The following LRP1B variants were observed in gnomAD, a reference collection of about 807,000 sequenced individuals.
LRP1B encodes LDL receptor related protein 1B.
A neutral mutation model predicts 556.6 loss-of-function variants in LRP1B; 217 were observed. The observed-to-expected ratio is 0.39, with a 90% CI of 0.35 to 0.44. The LOEUF (loss-of-function observed/expected upper bound fraction) is 0.44. Among genes scored for constraint, LRP1B ranks in the 20% least tolerant of loss-of-function variants. The pLI, the probability that LRP1B is intolerant of heterozygous loss-of-function variation, is 1.00. For missense variants in LRP1B, 5,053 were observed against 5,620.8 expected, an observed-to-expected ratio of 0.90 and a Z score of 3.23; for synonymous variants, 2,047 against 1,865.8, an observed-to-expected ratio of 1.10 and a Z score of -2.50.
At chr2:141,754,067 A>G (rs961895301) in intron 2 of LRP1B, among the ~76,000 whole-genome samples, 1 of 152,168 alleles carries the variant, frequency 6.6e-6, no homozygotes, top group African/African-American at 2.4e-5. Flanking sequence ...AAACATAGTT[A>G]TCTGTTGGTC....
intron 3 of LRP1B, among the ~76,000 whole-genome samples, chr2:141,319,870 A>C (rs1687175684): frequency 6.6e-6 from 1 of 152,108 alleles, no homozygotes; most frequent in Non-Finnish European, 1.5e-5. Context: ...TAAATTAGAA[A>C]ACCTAAATCC....
intron 43 of LRP1B, among the ~76,000 whole-genome samples, chr2:140,559,446 A>C (rs897391560): frequency 1.3e-5 from 2 of 152,158 alleles, no homozygotes; most frequent in Non-Finnish European, 2.9e-5. Context: ...GAACAATTGT[A>C]TTTCTGTATA....
At chr2:140,400,808 A>T (rs1430781048) in intron 66 of LRP1B, among the ~76,000 whole-genome samples, 1 of 152,124 alleles carries the variant, frequency 6.6e-6, no homozygotes, top group Non-Finnish European at 1.5e-5. Flanking sequence ...AAGTACCCAG[A>T]GTGTGAGATG....
chr2:140,513,405 T>A (rs1392649802), intron 51 of LRP1B, among the ~76,000 whole-genome samples: 1 of 152,092 alleles, frequency 6.6e-6, no homozygotes, highest in African/African-American at 2.4e-5. Context: ...GAAACAGTGC[T>A]CATCCTATTG....
chr2:141,039,717 TCTC>T (rs1183539505), intron 11 of LRP1B, among the ~76,000 whole-genome samples: 3 of 152,060 alleles, frequency 2.0e-5, no homozygotes, highest in Non-Finnish European at 4.4e-5. Flanking sequence ...AAGGATGTCT[TCTC>T]CTCTGTGTTT....
chr2:142,115,569 AT>A (rs1707187916), intron 1 of LRP1B, among the ~76,000 whole-genome samples: 1 of 47,436 alleles, frequency 2.1e-5, no homozygotes, highest in African/African-American at 7.2e-5. Flanking sequence ...TATGTAATAT[AT>A]ATTATATATG....
At chr2:141,748,278 T>C (rs535129150) in intron 2 of LRP1B, among the ~76,000 whole-genome samples, 21 of 152,292 alleles carry the variant, frequency 1.4e-4, no homozygotes, top group African/African-American at 4.8e-4. Flanking sequence ...ATAGAATTTT[T>C]GTGATGATTA....
chr2:141,870,314 T>C (rs1698542028), intron 1 of LRP1B, among the ~76,000 whole-genome samples: 1 of 151,912 alleles, frequency 6.6e-6, no homozygotes, highest in African/African-American at 2.4e-5. Context: ...ATATTAACTG[T>C]CTAGCTACCA....
At chr2:141,047,471 T>C (rs192738006) in intron 11 of LRP1B, among the ~76,000 whole-genome samples, 1 of 152,210 alleles carries the variant, frequency 6.6e-6, no homozygotes, top group Admixed American at 6.6e-5. Flanking sequence ...ACACCATCCA[T>C]GCTGTAAATA....
chr2:141,610,836 C>T (rs923965649), intron 2 of LRP1B, among the ~76,000 whole-genome samples: 1 of 152,158 alleles, frequency 6.6e-6, no homozygotes, highest in African/African-American at 2.4e-5. Flanking sequence ...AAGGAACACG[C>T]TGCCTATTTA....
intron 3 of LRP1B, among the ~76,000 whole-genome samples, chr2:141,275,751 A>AT (rs1330377320): frequency 2.6e-5 from 4 of 152,110 alleles, no homozygotes; most frequent in Admixed American, 2.6e-4. Context: ...TAAGCATGTT[A>AT]TTTTTTAAAT....
At chr2:141,721,499 T>G (rs896522636) in intron 2 of LRP1B, among the ~76,000 whole-genome samples, 1 of 152,192 alleles carries the variant, frequency 6.6e-6, no homozygotes, top group Non-Finnish European at 1.5e-5. Context: ...GTTGCATATT[T>G]TCATTGATTT....
At chr2:141,501,373 A>C (rs1412095180) in intron 2 of LRP1B, among the ~76,000 whole-genome samples, 1 of 152,154 alleles carries the variant, frequency 6.6e-6, no homozygotes, top group Non-Finnish European at 1.5e-5. Flanking sequence ...GTTCAAAAAC[A>C]TCTTCTTTTT....
chr2:140,741,507 T>C (rs1289261794), intron 35 of LRP1B, among the ~76,000 whole-genome samples: 1 of 152,024 alleles, frequency 6.6e-6, no homozygotes. Flanking sequence ...TTAGGTTTAG[T>C]GGGTACATGT....
At chr2:141,729,062 G>A (rs1574292250) in intron 2 of LRP1B, among the ~76,000 whole-genome samples, 1 of 152,098 alleles carries the variant, frequency 6.6e-6, no homozygotes, top group Non-Finnish European at 1.5e-5. Context: ...GCTTATTACA[G>A]CAGCTGAGCC....
intron 49 of LRP1B, among the ~76,000 whole-genome samples, chr2:140,521,155 A>G (rs1440873821): frequency 6.6e-6 from 1 of 152,084 alleles, no homozygotes; most frequent in Non-Finnish European, 1.5e-5. Flanking sequence ...AATATCCCCA[A>G]TCTTGCTAGA....
rs555013660 is a variant in LRP1B, at chr2:141,328,846, G to A, written c.344-74205C>T. ...AGCAATCAGATTTAAAGCACCTGAG[G>A]GGGTGGGAGGTGGTTGTGAGTGTGT... On this transcript the variant is annotated intron_variant, in intron 3 of 90. Transcript: ENST00000389484. Among the ~76,000 whole-genome samples the A allele has an allele frequency of 2.0e-5, 3 of 152,154 alleles. No homozygotes were observed. The South Asian group carries it at 6.2e-4, about 31-fold the overall frequency.
At chr2:141,042,222 T>C (rs530032810) in intron 11 of LRP1B, among the ~76,000 whole-genome samples, 12 of 152,174 alleles carry the variant, frequency 7.9e-5, no homozygotes, top group South Asian at 6.2e-4. Context: ...AAAAGGCAGG[T>C]TTGCTTATAG....
At chr2:141,351,631 A>G (rs544330034) in intron 3 of LRP1B, among the ~76,000 whole-genome samples, 2 of 152,008 alleles carry the variant, frequency 1.3e-5, no homozygotes, top group African/African-American at 2.4e-5. Context: ...TATCAATACA[A>G]CAACCACTAT....
Sources: gnomAD v4.1 joint callset for allele counts (sites outside exome capture counted in the v4.1 genomes callset) on GRCh38, gnomAD v4.1.1 for gene constraint, MANE v1.5 for transcripts, NCBI Gene and HGNC (gene_info 2026-07-23, HGNC 2026-07-21) for gene names.